The following PCCB variants were observed in gnomAD, a reference collection of about 807,000 sequenced individuals.
PCCB encodes propionyl-CoA carboxylase beta chain, mitochondrial.
PCCB carries 43 observed loss-of-function variants against 60.7 expected under a neutral mutation model. The observed-to-expected ratio is 0.71, with a 90% confidence interval of 0.55 to 0.91. The LOEUF (loss-of-function observed/expected upper bound fraction) is 0.91. PCCB is among the 40% of genes least tolerant of loss of function. The probability of loss-of-function intolerance (pLI) is 0.00; values close to 1 mark genes in which losing one functional copy is unlikely to be tolerated. For missense variants in PCCB, 766 were observed against 702.8 expected (o/e 1.09, Z -1.02); for synonymous variants, 276 against 255.9 (o/e 1.08, Z -0.75).
At chr3:136,290,671 G>GTTTCTTTTTTTTTTTTT (rs1933637173) in intron 6 of PCCB, among the ~76,000 whole-genome samples, 1 of 60,050 alleles carries the variant, frequency 1.7e-5, no homozygotes, top group Non-Finnish European at 2.7e-5. Context: ...TCTCTGTGTA[G>GTTTCTTTTTTTTTTTTT]TTTTTTTTTT....
chr3:136,273,637 G>T (rs1942263769), intron 5 of PCCB, among the ~76,000 whole-genome samples: 3 of 69,336 alleles, frequency 4.3e-5, no homozygotes, highest in Non-Finnish European at 5.8e-5. Context: ...TTGCTTTAAA[G>T]GTCTATTTTG....
At chr3:136,305,639 C>G (rs1934429278) in intron 9 of PCCB, among the ~76,000 whole-genome samples, 1 of 114,424 alleles carries the variant, frequency 8.7e-6, no homozygotes, top group African/African-American at 2.6e-5. Flanking sequence ...ATCCCAGCTA[C>G]TGGAGAGACT....
intron 5 of PCCB, among the ~76,000 whole-genome samples, chr3:136,278,928 A>G (rs1398956415): frequency 1.3e-5 from 2 of 152,154 alleles, no homozygotes; most frequent in African/African-American, 2.4e-5. Flanking sequence ...TTCTCCCCAC[A>G]ATTCTGTTAA....
intron 1 of PCCB, among the ~76,000 whole-genome samples, chr3:136,254,518 CTTTTT>C (rs3994953): frequency 4.4e-5 from 2 of 45,926 alleles, no homozygotes; most frequent in Non-Finnish European, 7.4e-5. Context: ...CTGCGGCTAG[CTTTTT>C]TTTTTTTTTT....
intron 1 of PCCB, among the ~76,000 whole-genome samples, chr3:136,253,543 C>G (rs1433675506): frequency 6.6e-6 from 1 of 151,720 alleles, no homozygotes; most frequent in Non-Finnish European, 1.5e-5. Context: ...TGCCACCACA[C>G]CTGGCTAATT....
At chr3:136,266,525 G>T (rs1249573322) in intron 5 of PCCB, among the ~76,000 whole-genome samples, 2 of 152,140 alleles carry the variant, frequency 1.3e-5, no homozygotes, top group Admixed American at 6.5e-5. Flanking sequence ...GGGGTCAAGC[G>T]ATCCTCCTGC....
chr3:136,295,611 G>A (rs1933895493), intron 7 of PCCB, among the ~76,000 whole-genome samples: 1 of 152,166 alleles, frequency 6.6e-6, no homozygotes, highest in Non-Finnish European at 1.5e-5. Context: ...TCTTAGATTT[G>A]ATGAAATATG....
intron 9 of PCCB, among the ~76,000 whole-genome samples, chr3:136,314,175 G>A (rs1228739730): frequency 6.6e-6 from 1 of 152,130 alleles, no homozygotes; most frequent in Non-Finnish European, 1.5e-5. Flanking sequence ...GAATGATGGG[G>A]ACACTTTAGA....
At chr3:136,268,065 C>CGT (rs111625326) in intron 5 of PCCB, among the ~76,000 whole-genome samples, 40,861 of 78,130 alleles carry the variant, frequency 0.52, 9,289 homozygotes, top group East Asian at 0.82. Flanking sequence ...TGTGTGTGTG[C>CGT]GTGTGTGTGT....
At chr3:136,296,995 T>C in intron 7 of PCCB, among the ~76,000 whole-genome samples, 1 of 152,230 alleles carries the variant, frequency 6.6e-6, no homozygotes, top group African/African-American at 2.4e-5. Context: ...ATAAGTACAC[T>C]ATGCAGTATG....
intron 9 of PCCB, among the ~76,000 whole-genome samples, chr3:136,306,903 G>T (rs1485718842): frequency 8.2e-6 from 1 of 122,582 alleles, no homozygotes; most frequent in African/African-American, 2.5e-5. Context: ...TGAGCACGTG[G>T]GAAAATTGAC....
At chr3:136,325,906 C>T (rs981153829) in intron 10 of PCCB, among the ~76,000 whole-genome samples, 22 of 151,960 alleles carry the variant, frequency 1.4e-4, no homozygotes, top group African/African-American at 4.8e-4. Flanking sequence ...CTCCGCCTCC[C>T]GGGTTCACAC....
At chr3:136,286,400 C>T (rs1933406306) in intron 6 of PCCB, among the ~76,000 whole-genome samples, 1 of 152,136 alleles carries the variant, frequency 6.6e-6, no homozygotes, top group Non-Finnish European at 1.5e-5. Context: ...TAAGAGCCTA[C>T]CAGAATTTCC....
intron 1 of PCCB, among the ~76,000 whole-genome samples, chr3:136,253,107 TAAG>T (rs1456377312): frequency 1.4e-5 from 2 of 144,944 alleles, no homozygotes; most frequent in Non-Finnish European, 1.5e-5. Flanking sequence ...TTTTTTTTTT[TAAG>T]ATAGAGTCTT....
rs763645429 is a variant in PCCB, at chr3:136,301,031, G to T, written c.886G>T (p.Asp296Tyr). 2 of 1,613,870 alleles carry T rather than the reference G, an allele frequency of 1.2e-6. No individual in the cohort carries two copies. Among genetic ancestry groups the T allele is most frequent in the Admixed American group, 1.7e-5 (1 of 60,010 alleles). ...TACCTGCCTTTTTTCTGCCTAAAGT[G>T]ACCGTCTGGTTCCTGAGCTTGACAC... ...APVRECHDPS[D>Y]RLVPELDTIV... Residue 296 changes from aspartate (D) to tyrosine (Y), a missense_variant and splice_region_variant, in exon 9 of 15, where the codon GAC (aspartate) becomes TAC (tyrosine). Physicochemically the swap from Asp to Tyr is radical, Grantham distance 160 (BLOSUM62 -3). Coordinates refer to ENST00000251654, the MANE Select transcript of PCCB (RefSeq NM_000532.5).
At chr3:136,272,456 T>C (rs976376390) in intron 5 of PCCB, among the ~76,000 whole-genome samples, 3 of 152,180 alleles carry the variant, frequency 2.0e-5, no homozygotes, top group African/African-American at 7.2e-5. Flanking sequence ...GAATATCTAG[T>C]GGAATTCAAC....
intron 6 of PCCB, among the ~76,000 whole-genome samples, chr3:136,285,515 CGT>C (rs1414368568): frequency 6.6e-6 from 1 of 151,968 alleles, no homozygotes; most frequent in African/African-American, 2.4e-5. Flanking sequence ...TTCTTTAACA[CGT>C]GTTAATTTAG....
chr3:136,310,997 A>G (rs914524933), intron 9 of PCCB, among the ~76,000 whole-genome samples: 2 of 152,184 alleles, frequency 1.3e-5, no homozygotes, highest in Non-Finnish European at 2.9e-5. Flanking sequence ...ACTAGCTTCT[A>G]CTAGGATTAG....
chr3:136,321,414 G>A (rs1935104820), intron 10 of PCCB, among the ~76,000 whole-genome samples: 1 of 152,178 alleles, frequency 6.6e-6, no homozygotes, highest in Admixed American at 6.5e-5. Context: ...AAAGGAAAGA[G>A]GTTTAATTGA....
Sources: gnomAD v4.1 joint callset for allele counts (sites outside exome capture counted in the v4.1 genomes callset) on GRCh38, gnomAD v4.1.1 for gene constraint, MANE v1.5 for transcripts, NCBI Gene and HGNC (gene_info 2026-07-23, HGNC 2026-07-21) for gene names.